Variants in ZNF407 observed in about 807,000 individuals in gnomAD.
ZNF407 encodes the protein zinc finger protein 407.
ZNF407 carries 17 observed loss-of-function variants against 131.2 expected under a neutral mutation model. The ratio of observed to expected loss-of-function variants is 0.13; its 90% CI spans 0.09 to 0.19. The LOEUF is 0.19. ZNF407 is among the 10% of genes least tolerant of loss of function. The pLI is 1.00. For synonymous variants in ZNF407, 1,156 were observed against 1,062.0 expected, an observed-to-expected ratio of 1.09 and a Z score of -1.72; for missense variants, 2,681 against 2,830.6, an observed-to-expected ratio of 0.95 and a Z score of 1.20.
Position 74,915,459 on chromosome 18 carries a change from G to A in ZNF407, c.5250-5055G>A, listed in dbSNP as rs187500721. On this transcript the variant is annotated intron_variant, in intron 7 of 8. Transcript: ENST00000299687. ...TACTGGTATGGTGAGGTTGTGTGCA[G>A]CATTGGTTCGAATCGGGAGTGTGTG... Among the ~76,000 whole-genome samples, 89 of 113,286 alleles carry A rather than the reference G, an allele frequency of 7.9e-4. 1 individual carries two copies. Among genetic ancestry groups the A allele is most frequent in the African/African-American group, 2.8e-3 (83 of 29,264 alleles). 74.3% of individuals were successfully genotyped at this position (113,286 alleles called of 152,430 possible). A position where few individuals can be genotyped will look rare whatever the true frequency, so the allele number is the denominator to read the frequency against.
At position 74,952,295 on chromosome 18, in the gene ZNF407, T is replaced by C. The variant is rs1972223459; in HGVS notation, c.5428+31603T>C. On this transcript the variant is annotated intron_variant, in intron 8 of 8. Coordinates refer to ENST00000299687, the MANE Select transcript of ZNF407 (RefSeq NM_017757.3). ...CTTGCAATTGGCCTGTGCTGGGCAC[T>C]GTGCTCTATGCCATCCCTGATATTA... 2.0e-5 allele frequency among the ~76,000 whole-genome samples: 3 copies of C among 152,240 alleles called. No homozygotes were observed. The South Asian group carries it at 6.2e-4, about 31-fold the overall frequency.
At chr18:75,006,146 C>T (rs985300414) in intron 8 of ZNF407, among the ~76,000 whole-genome samples, 1 of 152,166 alleles carries the variant, frequency 6.6e-6, no homozygotes, top group African/African-American at 2.4e-5. Flanking sequence ...GACGTGCAGT[C>T]CTAATATTCT....
At chr18:74,796,448 C>T (rs187677542) in intron 4 of ZNF407, among the ~76,000 whole-genome samples, 82 of 152,224 alleles carry the variant, frequency 5.4e-4, no homozygotes, top group African/African-American at 1.9e-3. Flanking sequence ...GATTGAGATC[C>T]CAAGCTGCAT....
intron 8 of ZNF407, among the ~76,000 whole-genome samples, chr18:74,951,003 T>C (rs1422762069): frequency 6.6e-6 from 1 of 152,218 alleles, no homozygotes; most frequent in Non-Finnish European, 1.5e-5. Context: ...ATGCAACTTT[T>C]TTTTTCCTTT....
At chr18:74,948,103 T>C (rs1434524101) in intron 8 of ZNF407, among the ~76,000 whole-genome samples, 1 of 152,220 alleles carries the variant, frequency 6.6e-6, no homozygotes, top group African/African-American at 2.4e-5. Flanking sequence ...AAAGAAGGTA[T>C]CTTTGTCTCT....
intron 3 of ZNF407, among the ~76,000 whole-genome samples, chr18:74,650,516 GGTGTAGTTCA>G (rs1568146519): frequency 6.6e-6 from 1 of 152,130 alleles, no homozygotes; most frequent in Non-Finnish European, 1.5e-5. Flanking sequence ...CTGCTGTGTT[GGTGTAGTTCA>G]GCAGACATCC....
At chr18:75,042,934 GC>G (rs1973390713) in intron 8 of ZNF407, among the ~76,000 whole-genome samples, 1 of 152,170 alleles carries the variant, frequency 6.6e-6, no homozygotes, top group Admixed American at 6.5e-5. Flanking sequence ...CAGTATGTTT[GC>G]CTGTCTCCTG....
intron 8 of ZNF407, among the ~76,000 whole-genome samples, chr18:74,996,583 C>T (rs1972783301): frequency 6.6e-6 from 1 of 152,162 alleles, no homozygotes; most frequent in South Asian, 2.1e-4. Flanking sequence ...GAGAGCAGCT[C>T]AGAAAGTGAT....
chr18:74,958,575 T>C (rs529957113), intron 8 of ZNF407, among the ~76,000 whole-genome samples: 3 of 152,058 alleles, frequency 2.0e-5, no homozygotes, highest in East Asian at 1.9e-4. Flanking sequence ...CTGAGCTGCA[T>C]TGGGTTTGAC....
At chr18:74,804,264 G>T (rs1339640726) in intron 4 of ZNF407, 33 of 1,206,152 alleles carry the variant, frequency 2.7e-5, no homozygotes, top group Non-Finnish European at 3.3e-5. Flanking sequence ...TTTAAAAATT[G>T]AGTACTCAGT....
chr18:74,735,567 C>T (rs1367180931), intron 3 of ZNF407, among the ~76,000 whole-genome samples: 4 of 152,170 alleles, frequency 2.6e-5, no homozygotes, highest in South Asian at 2.1e-4. Flanking sequence ...TTTACTCAAC[C>T]GTTGAGGAGA....
chr18:74,782,278 G>A (rs1455596099), intron 4 of ZNF407, among the ~76,000 whole-genome samples: 3 of 152,026 alleles, frequency 2.0e-5, no homozygotes, highest in African/African-American at 7.3e-5. Flanking sequence ...TTTTAATACT[G>A]TTTTCAAAAG....
chr18:74,629,086 C>G (rs2144655549), intron 1 of ZNF407, among the ~76,000 whole-genome samples: 1 of 152,364 alleles, frequency 6.6e-6, no homozygotes. Context: ...AGTAGAATTA[C>G]TGTGCTATAT....
chr18:74,987,573 G>A (rs1394867140), intron 8 of ZNF407, among the ~76,000 whole-genome samples: 1 of 152,120 alleles, frequency 6.6e-6, no homozygotes, highest in Non-Finnish European at 1.5e-5. Context: ...TAAAATTCTT[G>A]AAGAGAGGAG....
intron 3 of ZNF407, among the ~76,000 whole-genome samples, chr18:74,778,367 T>C (rs1392701788): frequency 6.6e-6 from 1 of 152,204 alleles, no homozygotes; most frequent in Non-Finnish European, 1.5e-5. Flanking sequence ...TCTTTACTCA[T>C]AGGTCTCATT....
At chr18:74,817,555 A>T (rs1473502789) in intron 4 of ZNF407, among the ~76,000 whole-genome samples, 1 of 152,218 alleles carries the variant, frequency 6.6e-6, no homozygotes, top group African/African-American at 2.4e-5. Flanking sequence ...AAAATAAAAA[A>T]TATTAAGGAA....
intron 4 of ZNF407, among the ~76,000 whole-genome samples, chr18:74,816,679 C>T (rs1188724546): frequency 6.6e-6 from 1 of 151,976 alleles, no homozygotes; most frequent in Non-Finnish European, 1.5e-5. Flanking sequence ...AATTGATATC[C>T]ATAAAATTCA....
intron 3 of ZNF407, among the ~76,000 whole-genome samples, chr18:74,691,002 A>G (rs553956991): frequency 3.4e-4 from 52 of 152,306 alleles, no homozygotes; most frequent in African/African-American, 1.1e-3. Flanking sequence ...GGAAAGGCCG[A>G]GCGCAGTGGC....
At chr18:75,011,225 ACCT>A (rs1382688556) in intron 8 of ZNF407, among the ~76,000 whole-genome samples, 3 of 152,096 alleles carry the variant, frequency 2.0e-5, no homozygotes, top group African/African-American at 4.8e-5. Flanking sequence ...AAACCTGAAG[ACCT>A]CCTCAGATAC....
Sources: allele counts gnomAD v4.1 joint callset (sites outside exome capture counted in the v4.1 genomes callset), GRCh38; gene constraint gnomAD v4.1.1; transcripts MANE v1.5; gene names NCBI Gene and HGNC (gene_info 2026-07-23, HGNC 2026-07-21).